Variants in EPHA5 observed in about 807,000 individuals in gnomAD.
EPHA5 encodes EPH receptor A5.
Under a neutral mutation model 105.0 loss-of-function variants are expected in EPHA5, and 60 were observed. The ratio of observed to expected loss-of-function variants is 0.57; its 90% CI spans 0.46 to 0.71. The LOEUF is 0.71. EPHA5 is among the 30% of genes least tolerant of loss of function. The pLI is 0.00. For synonymous variants in EPHA5, 513 were observed against 449.1 expected (o/e 1.14, Z -1.80); for missense variants, 1,218 against 1,274.7 (o/e 0.96, Z 0.68).
At chr4:65,607,885 A>C (rs1744390357) in intron 2 of EPHA5, among the ~76,000 whole-genome samples, 1 of 152,228 alleles carries the variant, frequency 6.6e-6, no homozygotes, top group Admixed American at 6.5e-5. Flanking sequence ...ATGCACATGC[A>C]TGTTTACTGC....
intron 3 of EPHA5, among the ~76,000 whole-genome samples, chr4:65,596,981 G>A (rs1451513640): frequency 2.0e-5 from 3 of 152,038 alleles, no homozygotes; most frequent in South Asian, 2.1e-4. Flanking sequence ...ACGAATGATC[G>A]ACATTCTACT....
chr4:65,531,014 TA>T (rs200772208), intron 3 of EPHA5, among the ~76,000 whole-genome samples: 62 of 131,264 alleles, frequency 4.7e-4, no homozygotes, highest in African/African-American at 1.6e-3. Flanking sequence ...TTATTTTTTT[TA>T]TTTTTTTTAT....
intron 13 of EPHA5, among the ~76,000 whole-genome samples, chr4:65,349,093 G>A (rs2148847942): frequency 6.6e-6 from 1 of 151,950 alleles, no homozygotes; most frequent in Non-Finnish European, 1.5e-5. Context: ...TGGGATTACA[G>A]GCGTGAGCTA....
At chr4:65,482,586 G>T (rs1387267033) in intron 5 of EPHA5, among the ~76,000 whole-genome samples, 1 of 152,098 alleles carries the variant, frequency 6.6e-6, no homozygotes, top group Non-Finnish European at 1.5e-5. Context: ...ACTCTAGCAT[G>T]CAGAGACCAA....
intron 3 of EPHA5, among the ~76,000 whole-genome samples, chr4:65,537,962 C>T (rs1383546254): frequency 6.6e-6 from 1 of 151,622 alleles, no homozygotes; most frequent in Non-Finnish European, 1.5e-5. Flanking sequence ...ACACAGTCAC[C>T]TATATTGGGG....
chr4:65,389,041 A>G (rs984880526), intron 8 of EPHA5, among the ~76,000 whole-genome samples: 19 of 152,014 alleles, frequency 1.2e-4, no homozygotes, highest in Non-Finnish European at 2.6e-4. Context: ...GGAGTTTTAG[A>G]TCATCTTTGG....
intron 3 of EPHA5, among the ~76,000 whole-genome samples, chr4:65,580,803 T>TA (rs57240654): frequency 1.3e-5 from 2 of 151,182 alleles, no homozygotes; most frequent in Admixed American, 6.6e-5. Flanking sequence ...TTTTTTTTTT[T>TA]ACTTTGAAAC....
intron 11 of EPHA5, 23 bp downstream of exon 11, chr4:65,364,994 G>A (rs1458473750): frequency 1.2e-6 from 2 of 1,602,412 alleles, no homozygotes; most frequent in South Asian, 1.1e-5. Context: ...GCACACACAT[G>A]TATAATTTGC....
intron 3 of EPHA5, among the ~76,000 whole-genome samples, chr4:65,567,979 ATGT>A (rs756317434): frequency 5.4e-4 from 82 of 151,550 alleles, no homozygotes; most frequent in Non-Finnish European, 9.5e-4. Flanking sequence ...CATACTCAAA[ATGT>A]TGGTGCAGAA....
At chr4:65,389,510 T>C (rs1352683259) in intron 8 of EPHA5, among the ~76,000 whole-genome samples, 1 of 152,074 alleles carries the variant, frequency 6.6e-6, no homozygotes, top group African/African-American at 2.4e-5. Flanking sequence ...TTAATAAATG[T>C]ATTAAACAAT....
chr4:65,443,879 G>C lies in EPHA5; in HGVS notation c.1403-23314C>G, dbSNP rs1311338410. Reference sequence around the variant, plus strand: ...ATGACCTATTTCCTTGAAAAAAATAGTTTCTACTTGCAGATGTTTGTGTGC... The same window carrying C: ...ATGACCTATTTCCTTGAAAAAAATACTTTCTACTTGCAGATGTTTGTGTGC... On this transcript the variant is annotated intron_variant, in intron 5 of 16. Transcript: ENST00000613740. Among the ~76,000 whole-genome samples, 9 of 150,524 alleles carry C rather than the reference G, an allele frequency of 6.0e-5. No homozygotes were observed. The South Asian group carries it at 6.4e-4, about 11-fold the overall frequency.
In EPHA5 at chr4:65,465,948, T is replaced by A. The variant is rs537710663; in HGVS notation, c.1402+24429A>T. Among the ~76,000 whole-genome samples, 4 of 152,360 alleles carry A rather than the reference T, an allele frequency of 2.6e-5. No homozygotes were observed. In the South Asian group the frequency reaches 8.3e-4, roughly 32 times the overall value. On this transcript the variant is annotated intron_variant, in intron 5 of 16. Coordinates refer to ENST00000613740, the MANE Select transcript of EPHA5 (RefSeq NM_001281766.3). The stretch of plus-strand genomic sequence containing the variant: ...TTTGACGATACTTCAGTAAACAAAT[T>A]ATACTATCCTGCCCTAATAGAACTT...
At chr4:65,356,731 C>T (rs545118343) in intron 11 of EPHA5, among the ~76,000 whole-genome samples, 36 of 151,630 alleles carry the variant, frequency 2.4e-4, no homozygotes, top group Admixed American at 2.0e-4. Context: ...GAATAAGACA[C>T]TTCAGGACCC....
chr4:65,573,151 C>A (rs1166125724), intron 3 of EPHA5, among the ~76,000 whole-genome samples: 1 of 151,878 alleles, frequency 6.6e-6, no homozygotes, highest in Non-Finnish European at 1.5e-5. Flanking sequence ...GTGGCTCAGG[C>A]CTGTAATCCC....
In EPHA5 at chr4:65,507,043, A is replaced by G. The variant is rs565596637; in HGVS notation, c.911-11500T>C. ...TAATCCATCTTGAATTAATTTTTTT[A>G]TAAGGTGTAAGGAAGGGATCCAGTT... On this transcript the variant is annotated intron_variant, in intron 3 of 16. Coordinates refer to ENST00000613740, the MANE Select transcript of EPHA5 (RefSeq NM_001281766.3). Among the ~76,000 whole-genome samples the G allele has an allele frequency of 3.5e-4, 53 of 152,254 alleles. No homozygotes were observed. In the South Asian group the frequency reaches 8.1e-3, roughly 23 times the overall value.
At chr4:65,337,807 T>C (rs1052616154) in intron 14 of EPHA5, among the ~76,000 whole-genome samples, 3 of 151,930 alleles carry the variant, frequency 2.0e-5, no homozygotes, top group African/African-American at 7.3e-5. Context: ...ATATCCCCCC[T>C]GGAAAAGCAT....
chr4:65,572,123 T>C (rs1417539184), intron 3 of EPHA5, among the ~76,000 whole-genome samples: 1 of 152,114 alleles, frequency 6.6e-6, no homozygotes, highest in Non-Finnish European at 1.5e-5. Flanking sequence ...GAAAATATCT[T>C]CAGAAATAAC....
intron 6 of EPHA5, among the ~76,000 whole-genome samples, chr4:65,417,209 A>C (rs564102351): frequency 1.2e-4 from 19 of 152,324 alleles, no homozygotes; most frequent in Admixed American, 8.5e-4. Flanking sequence ...GAGCAGGGCA[A>C]TCACAGGCAG....
intron 3 of EPHA5, among the ~76,000 whole-genome samples, chr4:65,520,774 A>G (rs1300252502): frequency 2.0e-5 from 3 of 152,194 alleles, no homozygotes; most frequent in Non-Finnish European, 4.4e-5. Context: ...ATATGAAAAA[A>G]TGCTCATCAT....
Sources: allele counts gnomAD v4.1 joint callset (sites outside exome capture counted in the v4.1 genomes callset), GRCh38; gene constraint gnomAD v4.1.1; transcripts MANE v1.5; gene names NCBI Gene and HGNC (gene_info 2026-07-23, HGNC 2026-07-21).